Variants in FH observed in about 807,000 individuals in gnomAD.
FH encodes the protein fumarate hydratase, mitochondrial.
FH carries 22 observed loss-of-function variants against 49.4 expected under a neutral mutation model. That is an observed-to-expected ratio of 0.45 (90% CI 0.32 to 0.64). FH has a LOEUF of 0.64. FH is among the 30% of genes least tolerant of loss of function. FH has a pLI of 0.05. For synonymous variants in FH, 208 were observed against 223.0 expected (o/e 0.93, Z 0.60); for missense variants, 526 against 641.5 (o/e 0.82, Z 1.95).
rs1659757479 is a variant in FH at position 241,500,686 on chromosome 1, T to C, written c.1237-96A>G. ...TTTTGTCCAATAACATATTATTTTC[T>C]GGTTGACAGTAAATATACAATTCAA... On this transcript the variant is annotated intron_variant, in intron 8 of 9. Transcript: ENST00000366560. 13 of 1,516,514 alleles carry C rather than the reference T, an allele frequency of 8.6e-6. No individual in the cohort carries two copies. The South Asian group carries it at 1.5e-4, about 18-fold the overall frequency. The allele number at this position is 1,516,514 out of a possible 1,614,324, so 93.9% of individuals were successfully genotyped here.
At chr1:241,510,844 T>C (rs1660063856) in intron 4 of FH, among the ~76,000 whole-genome samples, 1 of 152,030 alleles carries the variant, frequency 6.6e-6, no homozygotes, top group Admixed American at 6.6e-5. Flanking sequence ...AGAGGAAAAA[T>C]TATAATTTTA....
intron 4 of FH, among the ~76,000 whole-genome samples, chr1:241,510,185 C>A (rs1219730490): frequency 6.6e-6 from 1 of 152,050 alleles, no homozygotes; most frequent in Non-Finnish European, 1.5e-5. Context: ...TACTTAGCAC[C>A]CAGATCTCAG....
intron 4 of FH, among the ~76,000 whole-genome samples, chr1:241,509,512 G>A (rs895201164): frequency 6.6e-6 from 1 of 152,172 alleles, no homozygotes; most frequent in South Asian, 2.1e-4. Flanking sequence ...AGTGGCTCAT[G>A]CCTATAACCT....
At chr1:241,503,490 C>T (rs1659833633) in intron 7 of FH, among the ~76,000 whole-genome samples, 1 of 152,186 alleles carries the variant, frequency 6.6e-6, no homozygotes, top group African/African-American at 2.4e-5. Flanking sequence ...CCCTCAGTCA[C>T]CAGTAAAGTG....
intron 2 of FH, among the ~76,000 whole-genome samples, chr1:241,515,349 G>C (rs530646400): frequency 6.6e-6 from 1 of 152,270 alleles, no homozygotes; most frequent in Admixed American, 6.5e-5. Flanking sequence ...TGGTGACACA[G>C]ATCAATGAAA....
intron 4 of FH, among the ~76,000 whole-genome samples, chr1:241,509,310 T>C (rs1660016819): frequency 6.6e-6 from 1 of 152,090 alleles, no homozygotes; most frequent in Non-Finnish European, 1.5e-5. Context: ...CAGCTCTTTA[T>C]TAAGTTTAGA....
intron 8 of FH, among the ~76,000 whole-genome samples, chr1:241,500,939 C>A (rs900010695): frequency 6.6e-6 from 1 of 152,076 alleles, no homozygotes; most frequent in Non-Finnish European, 1.5e-5. Context: ...CTGGTGAAAT[C>A]CTATTTTATG....
Position 241,513,713 on chromosome 1 carries a change from T to C in FH, c.268A>G (p.Thr90Ala). The part of the protein sequence containing the change: ...KIGGVTERMP[T>A]PVIKAFGILK... Reference sequence around the variant, plus strand: ...ATGCCAAAAGCTTTAATAACTGGGGTCTAAAATTAATCAGAAAAATATTTC... The same window carrying C: ...ATGCCAAAAGCTTTAATAACTGGGGCCTAAAATTAATCAGAAAAATATTTC... The change falls in exon 3 of 10, where the codon ACC (threonine) becomes GCC (alanine). Residue 90 changes from threonine (T) to alanine (A), a missense_variant and splice_region_variant. Thr to Ala is a moderately conservative substitution (Grantham distance 58). Around this residue, in one of 2 missense-constraint regions of FH, gnomAD observed 143 missense variants for 127.5 expected, o/e 1.12. Coordinates refer to ENST00000366560, the MANE Select transcript of FH (RefSeq NM_000143.4). The C allele has an allele frequency of 6.2e-7, 1 of 1,611,908 alleles. No homozygotes were observed. Among genetic ancestry groups the C allele is most frequent in the Non-Finnish European group, 8.5e-7 (1 of 1,177,976 alleles).
At chr1:241,504,377 A>C (rs1659861870) in intron 6 of FH, 132 bp from the exon 7 acceptor site, 1 of 827,130 alleles carries the variant, frequency 1.2e-6, no homozygotes, top group Non-Finnish European at 1.9e-6. Flanking sequence ...ATGTTTACTT[A>C]AGACTCAAAT....
At chr1:241,504,904 C>T (rs891749760) in intron 6 of FH, among the ~76,000 whole-genome samples, 2 of 150,800 alleles carry the variant, frequency 1.3e-5, no homozygotes, top group African/African-American at 4.9e-5. Context: ...TTTCCTAATA[C>T]CTTTTTTCTT....
rs1021046792 is a variant in FH at position 241,508,849 on chromosome 1, G to A, written c.556-64C>T. ...TCAGAGGCAACAAAAACAAACTTCT[G>A]AATTAAACTTCTCAATTAAAAAACT... On this transcript the variant is annotated intron_variant, in intron 4 of 9. Coordinates refer to ENST00000366560, the MANE Select transcript of FH (RefSeq NM_000143.4). The A allele has an allele frequency of 7.1e-6, 10 of 1,403,838 alleles. No individual in the cohort carries two copies. In the East Asian group the frequency reaches 1.2e-4, roughly 16 times the overall value. The allele number at this position is 1,403,838 out of a possible 1,614,324, so 87.0% of individuals were successfully genotyped here. A position where few individuals can be genotyped will look rare whatever the true frequency, so the allele number is the denominator to read the frequency against.
At chr1:241,514,380 T>C (rs1660165673) in intron 2 of FH, among the ~76,000 whole-genome samples, 2 of 152,216 alleles carry the variant, frequency 1.3e-5, no homozygotes, top group South Asian at 4.1e-4. Flanking sequence ...TTCCGATATA[T>C]ATAAAACCCC....
At chr1:241,508,984 G>A (rs1660005502) in intron 4 of FH, among the ~76,000 whole-genome samples, 199 bp from the exon 5 acceptor site, 1 of 151,288 alleles carries the variant, frequency 6.6e-6, no homozygotes, top group Non-Finnish European at 1.5e-5. Flanking sequence ...CACATACTCA[G>A]AACTGTATTA....
At chr1:241,498,016 TG>T in intron 9 of FH, 46 bp from the exon 10 acceptor site, 1 of 1,606,500 alleles carries the variant, frequency 6.2e-7, no homozygotes, top group Non-Finnish European at 8.5e-7. Flanking sequence ...CAGTGATATT[TG>T]GTTTCCTAAA....
At chr1:241,508,151 T>TG (rs1167383220) in intron 5 of FH, among the ~76,000 whole-genome samples, 3 of 152,128 alleles carry the variant, frequency 2.0e-5, no homozygotes, top group Non-Finnish European at 4.4e-5. Context: ...ATGATACTGA[T>TG]GGAGATGACA....
intron 9 of FH, among the ~76,000 whole-genome samples, chr1:241,498,702 T>C (rs1205633173): frequency 7.2e-5 from 1 of 13,928 alleles, no homozygotes; most frequent in Non-Finnish European, 1.6e-4. Flanking sequence ...AACATATATA[T>C]ATATATATAT....
At chr1:241,501,059 G>A (rs962420624) in intron 8 of FH, among the ~76,000 whole-genome samples, 2 of 152,116 alleles carry the variant, frequency 1.3e-5, no homozygotes, top group Non-Finnish European at 2.9e-5. Context: ...AGTAAAGTCA[G>A]GGCAAAATCT....
chr1:241,516,320 T>C lies in FH; in HGVS notation c.267+862A>G, dbSNP rs1269647440. Among the ~76,000 whole-genome samples the C allele has an allele frequency of 2.0e-5, 3 of 152,356 alleles. No individual in the cohort carries two copies. In the East Asian group the frequency reaches 5.8e-4, roughly 29 times the overall value. On this transcript the variant is annotated intron_variant, in intron 2 of 9. Transcript: ENST00000366560. Reference sequence around the variant, plus strand: ...TGTATATATCCACCATGGAATATTATGCAACCATAAAAAAGAATGAGATCA... The same window carrying C: ...TGTATATATCCACCATGGAATATTACGCAACCATAAAAAAGAATGAGATCA...
At position 241,508,745 on chromosome 1, in the gene FH, G is replaced by A. The variant is rs775099009; in HGVS notation, c.596C>T (p.Ala199Val). 1.9e-6 allele frequency: 3 copies of A among 1,613,752 alleles called. No individual in the cohort carries two copies. Among genetic ancestry groups the A allele is most frequent in the Non-Finnish European group, 2.5e-6 (3 of 1,179,740 alleles). Residue 199 changes from alanine to valine, a missense_variant, in exon 5 of 10, where the codon GCT becomes GTT. Transcript: ENST00000366560. ...DTFPTAMHIA[A>V]AIEVHEVLLP... ...CAGTACTTCATGAACTTCTATTGCA[G>A]CAGCAATGTGCATTGCTGTGGGAAA...
Sources: gnomAD v4.1 joint callset for allele counts (sites outside exome capture counted in the v4.1 genomes callset) on GRCh38, gnomAD v4.1.1 for gene constraint, gnomAD v4.1.1 regional missense constraint, MANE v1.5 for transcripts, NCBI Gene and HGNC (gene_info 2026-07-23, HGNC 2026-07-21) for gene names.